The following PCNX1 variants were observed in gnomAD, a reference collection of about 807,000 sequenced individuals.
PCNX1 encodes the protein pecanex-like protein 1.
A neutral mutation model predicts 242.2 loss-of-function variants in PCNX1; 78 were observed. That is an observed-to-expected ratio of 0.32 (90% confidence interval 0.27 to 0.39). The LOEUF is 0.39. Among genes scored for constraint, PCNX1 ranks in the 10% least tolerant of loss-of-function variants. The pLI is 1.00. For missense variants in PCNX1, 2,581 were observed against 2,856.5 expected, an observed-to-expected ratio of 0.90 and a Z score of 2.20; for synonymous variants, 1,024 against 1,032.9, an observed-to-expected ratio of 0.99 and a Z score of 0.17.
intron 19 of PCNX1, among the ~76,000 whole-genome samples, chr14:71,044,864 ACT>A (rs2060814271): frequency 1.3e-5 from 2 of 152,150 alleles, no homozygotes; most frequent in South Asian, 2.1e-4. Context: ...ACCTTAGGCC[ACT>A]CTCTCATTAT....
In PCNX1 at chr14:71,013,044, G is replaced by A. The variant is rs1054713658; in HGVS notation, c.2838G>A (p.Glu946=). ...RLLTIDTDLL[E]QQDIDLSPDL... ...TGACCATTGATACAGATTTGTTGGAGCAACAGGACATTGATCTAAGCCCTG... is the reference window on the plus strand; with the variant it reads ...TGACCATTGATACAGATTTGTTGGAACAACAGGACATTGATCTAAGCCCTG... Residue 946 remains glutamate, a synonymous_variant, in exon 11 of 36, where the codon GAG becomes GAA. Transcript: ENST00000304743. 6.2e-6 allele frequency: 10 copies of A among 1,613,944 alleles called. No homozygotes were observed. The African/African-American group carries it at 6.7e-5, about 11-fold the overall frequency.
chr14:71,036,432 T>A (rs1469865210), intron 19 of PCNX1, among the ~76,000 whole-genome samples: 1 of 152,160 alleles, frequency 6.6e-6, no homozygotes, highest in African/African-American at 2.4e-5. Context: ...CCTGCCCCAG[T>A]CTCCCAAAGT....
chr14:71,102,335 A>C (rs955997825), intron 31 of PCNX1, 115 bp downstream of exon 31: 1 of 676,110 alleles, frequency 1.5e-6, no homozygotes, highest in Non-Finnish European at 2.6e-6. Context: ...ATACAGTGGC[A>C]TGATCATGGG....
intron 5 of PCNX1, among the ~76,000 whole-genome samples, chr14:70,973,070 G>A (rs547904790): frequency 1.9e-4 from 29 of 152,074 alleles, no homozygotes; most frequent in Non-Finnish European, 4.3e-4. Flanking sequence ...TGGGCAACAT[G>A]GTGAAGCCCT....
chr14:70,910,502 G>A (rs1002572531), intron 1 of PCNX1, among the ~76,000 whole-genome samples: 1 of 151,756 alleles, frequency 6.6e-6, no homozygotes, highest in African/African-American at 2.4e-5. Context: ...GCGCCTTTGT[G>A]CTTGCTTTTC....
At position 71,026,804 on chromosome 14, in the gene PCNX1, A is replaced by G; in HGVS notation, c.3388A>G (p.Ile1130Val). 1.3e-6 allele frequency: 2 copies of G among 1,560,028 alleles called. No homozygotes were observed. Among genetic ancestry groups the G allele is most frequent in the Non-Finnish European group, 1.8e-6 (2 of 1,132,538 alleles). The change falls in exon 15 of 36, where the codon ATT becomes GTT. Residue 1130 changes from isoleucine to valine, a missense_variant. Physicochemically the swap from Ile to Val is conservative, Grantham distance 29. Around this residue, in one of 9 missense-constraint regions of PCNX1, gnomAD observed 432 missense variants for 443.1 expected, o/e 0.97. Transcript: ENST00000304743. ...ACTCTGTTTCCCAATAGTGTTTTTC[A>G]TTGGTCTCCTGCCTCAGGTGAATAC... ...FTLCFPIVFF[I>V]GLLPQVNTFV...
intron 13 of PCNX1, 38 bp downstream of exon 13, chr14:71,023,270 T>G (rs1386936476): frequency 7.0e-7 from 1 of 1,427,010 alleles, no homozygotes; most frequent in Non-Finnish European, 9.9e-7. Context: ...TTATAGGTCC[T>G]TAACATTTAT....
intron 28 of PCNX1, among the ~76,000 whole-genome samples, chr14:71,086,855 T>C (rs974634542): frequency 6.6e-6 from 1 of 152,196 alleles, no homozygotes; most frequent in African/African-American, 2.4e-5. Flanking sequence ...ACCTCATTTG[T>C]TTCCTGTCTC....
In PCNX1 at chr14:70,978,592, G is replaced by A. The variant is rs768435973; in HGVS notation, c.2255G>A (p.Ser752Asn). 8 of 1,613,902 alleles carry A rather than the reference G, an allele frequency of 5.0e-6. No homozygotes were observed. The East Asian group carries it at 1.8e-4, about 36-fold the overall frequency. ...GAGACAGTCACTCGATCTAGGAATA[G>A]CTTGCCAAACCAGGTTGCATTTCCT... is the stretch of plus-strand genomic sequence containing the variant. ...QLETVTRSRN[S>N]LPNQVAFPEG... The change falls in exon 6 of 36, where the codon AGC becomes AAC. Residue 752 changes from serine to asparagine, a missense_variant. Physicochemically the swap from Ser to Asn is conservative, Grantham distance 46. Transcript: ENST00000304743.
chr14:71,004,868 A>G lies in PCNX1; in HGVS notation c.2630-4766A>G, dbSNP rs368913604. Among the ~76,000 whole-genome samples the G allele has an allele frequency of 3.5e-3, 539 of 152,346 alleles. 1 individual carries two copies. The highest frequency in any genetic ancestry group is 0.013 in the African/African-American group (523 of 41,578). ...ATTTCTATTATTGAGTACTTCAGTC[A>G]TATAGAATGTATATGTTCCCCCAAA... On this transcript the variant is annotated intron_variant, in intron 8 of 35. Transcript: ENST00000304743.
At chr14:71,008,811 TATTA>T (rs1244293946) in intron 8 of PCNX1, among the ~76,000 whole-genome samples, 1 of 152,180 alleles carries the variant, frequency 6.6e-6, no homozygotes, top group Non-Finnish European at 1.5e-5. Flanking sequence ...TGGAAATTTA[TATTA>T]ATTAATTTAT....
At position 71,103,557 on chromosome 14, in the gene PCNX1, G is replaced by T. The variant is rs74938746; in HGVS notation, c.5983G>T (p.Val1995Phe). 1.2e-6 allele frequency: 2 copies of T among 1,614,100 alleles called. No homozygotes were observed. The highest frequency in any genetic ancestry group is 1.7e-6 in the Non-Finnish European group (2 of 1,180,016). Residue 1995 changes from valine (V) to phenylalanine (F), a missense_variant, in exon 32 of 36, where the codon GTC becomes TTC. This residue lies in a region of PCNX1 where 432 missense variants were observed against 433.6 expected (regional missense o/e 1.00). Coordinates refer to ENST00000304743, the MANE Select transcript of PCNX1 (RefSeq NM_014982.3). ...TCAACCTATTGGCTACCCAATCTTT[G>T]TCTCACCCCTGACAACTTCTTACTC... ...CDQPIGYPIF[V>F]SPLTTSYSDS...
At chr14:71,092,155 A>G (rs1311482086) in intron 30 of PCNX1, among the ~76,000 whole-genome samples, 2 of 152,374 alleles carry the variant, frequency 1.3e-5, no homozygotes, top group Middle Eastern at 3.4e-3. Context: ...GTTGCCCACC[A>G]TTCCGAGATA....
chr14:70,977,101 T>C lies in PCNX1; in HGVS notation c.764T>C (p.Leu255Pro), dbSNP rs1398389253. 2 of 1,614,080 alleles carry C rather than the reference T, an allele frequency of 1.2e-6. No individual in the cohort carries two copies. The highest frequency in any genetic ancestry group is 2.7e-5 in the African/African-American group (2 of 74,942). The change falls in exon 6 of 36, where the codon CTG (leucine) becomes CCG (proline). Residue 255 changes from leucine to proline, a missense_variant. This residue lies in a region of PCNX1 where 1,204 missense variants were observed against 1,216.7 expected (regional missense o/e 0.99). Transcript: ENST00000304743. ...CACCACCACCATGTTGATCAGTCTC[T>C]GTCCAGCGCCTGTGACACAGAAGTA... ...HNHHHHVDQS[L>P]SSACDTEVAS...
At chr14:71,055,674 C>G in intron 25 of PCNX1, 112 bp downstream of exon 25, 1 of 587,428 alleles carries the variant, frequency 1.7e-6, no homozygotes. Context: ...CAAATATTCA[C>G]TTTTAAAAAC....
At chr14:71,047,430 C>G (rs1448301658) in intron 21 of PCNX1, among the ~76,000 whole-genome samples, 2 of 152,080 alleles carry the variant, frequency 1.3e-5, no homozygotes, top group Non-Finnish European at 2.9e-5. Flanking sequence ...CCATAGTCAT[C>G]CGATGAGCCT....
intron 35 of PCNX1, 33 bp downstream of exon 35, chr14:71,109,625 T>C: frequency 1.2e-6 from 2 of 1,612,574 alleles, no homozygotes; most frequent in Non-Finnish European, 1.7e-6. Flanking sequence ...GGTCTGGGGC[T>C]CTGCCTTTTT....
chr14:71,001,868 C>G (rs1311451921), intron 8 of PCNX1, among the ~76,000 whole-genome samples: 1 of 152,214 alleles, frequency 6.6e-6, no homozygotes, highest in African/African-American at 2.4e-5. Flanking sequence ...ATGTGGCTTT[C>G]TTGCCTTGTC....
chr14:71,087,501 G>A (rs1273646595), intron 28 of PCNX1, among the ~76,000 whole-genome samples: 2 of 152,122 alleles, frequency 1.3e-5, no homozygotes, highest in Non-Finnish European at 2.9e-5. Context: ...CTAATTATTA[G>A]CCTGTATCAT....
Sources: allele counts gnomAD v4.1 joint callset (sites outside exome capture counted in the v4.1 genomes callset), GRCh38; gene constraint gnomAD v4.1.1; regional missense constraint gnomAD v4.1.1; transcripts MANE v1.5; gene names NCBI Gene and HGNC (gene_info 2026-07-23, HGNC 2026-07-21).